LINGO2: variants seen among roughly 807,000 people sequenced by gnomAD.
LINGO2 encodes leucine rich repeat and Ig domain containing 2.
A neutral mutation model predicts 30.6 loss-of-function variants in LINGO2; 14 were observed. That is an observed-to-expected ratio of 0.46 (90% CI 0.30 to 0.72). The LOEUF is 0.72. Among genes scored for constraint, LINGO2 ranks in the 30% least tolerant of loss-of-function variants. LINGO2 has a pLI of 0.07. For missense variants in LINGO2, 729 were observed against 751.7 expected (o/e 0.97, Z 0.35); for synonymous variants, 317 against 288.5 (o/e 1.10, Z -1.00).
chr9:28,032,025 G>A (rs1823700779), intron 4 of LINGO2, among the ~76,000 whole-genome samples: 1 of 135,668 alleles, frequency 7.4e-6, no homozygotes, highest in African/African-American at 2.8e-5. Context: ...GCAGTCTGCT[G>A]ACTCAAAATG....
At chr9:28,349,454 G>A (rs1178712323) in intron 3 of LINGO2, among the ~76,000 whole-genome samples, 1 of 108,318 alleles carries the variant, frequency 9.2e-6, no homozygotes, top group Non-Finnish European at 1.9e-5. Context: ...AGAGAAAAAA[G>A]AATAAAAAGA....
At chr9:28,994,421 A>T in the LINGO2 span, among the ~76,000 whole-genome samples, 2 of 152,062 alleles carry the variant, frequency 1.3e-5, no homozygotes, top group East Asian at 3.9e-4. Flanking sequence ...AAGAATCAAT[A>T]TCGTGAAAAT....
At chr9:28,237,532 G>T (rs1933466460) in intron 4 of LINGO2, among the ~76,000 whole-genome samples, 1 of 151,924 alleles carries the variant, frequency 6.6e-6, no homozygotes. Context: ...AAAAAACAAG[G>T]CCCAGTGATC....
the LINGO2 span, among the ~76,000 whole-genome samples, chr9:29,002,058 T>C: frequency 1.3e-5 from 2 of 152,150 alleles, no homozygotes; most frequent in East Asian, 3.9e-4. Flanking sequence ...TTTCACCTTT[T>C]TTGGCTGCTT....
At chr9:28,226,751 G>C (rs534039279) in intron 4 of LINGO2, among the ~76,000 whole-genome samples, 1 of 152,194 alleles carries the variant, frequency 6.6e-6, no homozygotes, top group African/African-American at 2.4e-5. Context: ...ATGATCCAGT[G>C]CATCCCTTGG....
At chr9:28,165,643 A>T in intron 4 of LINGO2, among the ~76,000 whole-genome samples, 1 of 152,170 alleles carries the variant, frequency 6.6e-6, no homozygotes, top group East Asian at 1.9e-4. Flanking sequence ...TTTTCGTCAT[A>T]ATTGTTTTCC....
intron 3 of LINGO2, among the ~76,000 whole-genome samples, chr9:28,314,332 G>T (rs1417108728): frequency 6.6e-6 from 1 of 152,162 alleles, no homozygotes; most frequent in Non-Finnish European, 1.5e-5. Context: ...TAAACAAAAA[G>T]TTGATCAATA....
At chr9:28,545,728 C>G (rs1308334337) in intron 1 of LINGO2, among the ~76,000 whole-genome samples, 1 of 151,926 alleles carries the variant, frequency 6.6e-6, no homozygotes. Context: ...GAAGAAAGGA[C>G]CCACTTAGAA....
chr9:28,418,044 C>T (rs903790116), intron 2 of LINGO2, among the ~76,000 whole-genome samples: 1 of 152,044 alleles, frequency 6.6e-6, no homozygotes, highest in African/African-American at 2.4e-5. Flanking sequence ...TTAAGGAAGT[C>T]TAAGAGAGGT....
At chr9:28,908,684 C>T in the LINGO2 span, among the ~76,000 whole-genome samples, 849 of 151,958 alleles carry the variant, frequency 5.6e-3, 12 homozygotes, top group African/African-American at 0.019. Context: ...TTAATATTCA[C>T]AATCTATTTT....
At chr9:28,590,058 G>A (rs1448684819) in intron 1 of LINGO2, among the ~76,000 whole-genome samples, 1 of 152,094 alleles carries the variant, frequency 6.6e-6, no homozygotes, top group African/African-American at 2.4e-5. Context: ...ATGGGGAAAG[G>A]AATCCCTATT....
the LINGO2 span, among the ~76,000 whole-genome samples, chr9:29,042,558 G>T: frequency 6.6e-6 from 1 of 151,952 alleles, no homozygotes; most frequent in East Asian, 1.9e-4. Flanking sequence ...CATTAAAAAT[G>T]TATTTTCCTT....
At chr9:28,381,210 C>CA (rs948914991) in intron 2 of LINGO2, among the ~76,000 whole-genome samples, 5 of 151,550 alleles carry the variant, frequency 3.3e-5, no homozygotes, top group Admixed American at 2.0e-4. Context: ...GCAAAAAAAA[C>CA]AAAAAAACAA....
intron 4 of LINGO2, among the ~76,000 whole-genome samples, chr9:28,242,543 A>T (rs1377551682): frequency 6.6e-6 from 1 of 152,156 alleles, no homozygotes; most frequent in Non-Finnish European, 1.5e-5. Flanking sequence ...AAGTTGAAAA[A>T]CACACTTCAG....
chr9:28,232,508 C>T (rs905823041), intron 4 of LINGO2, among the ~76,000 whole-genome samples: 1 of 148,826 alleles, frequency 6.7e-6, no homozygotes, highest in East Asian at 2.0e-4. Flanking sequence ...GATATATTTA[C>T]TGTATACAAT....
At chr9:28,805,348 C>T in the LINGO2 span, among the ~76,000 whole-genome samples, 2 of 152,162 alleles carry the variant, frequency 1.3e-5, no homozygotes, top group African/African-American at 2.4e-5. Context: ...CACTAAGTGG[C>T]TCTGTGGCAT....
At chr9:28,938,234 A>G in the LINGO2 span, among the ~76,000 whole-genome samples, 1 of 152,196 alleles carries the variant, frequency 6.6e-6, no homozygotes, top group Non-Finnish European at 1.5e-5. Context: ...CTCTGCAAAG[A>G]TGGCTAACTA....
chr9:28,452,468 C>T (rs777298072), intron 2 of LINGO2, among the ~76,000 whole-genome samples: 9 of 151,742 alleles, frequency 5.9e-5, no homozygotes, highest in Non-Finnish European at 7.4e-5. Context: ...ACTGAAAAGG[C>T]TCTGACTATT....
intron 1 of LINGO2, among the ~76,000 whole-genome samples, chr9:28,659,439 C>CT (rs1265871778): frequency 3.3e-5 from 5 of 151,538 alleles, no homozygotes; most frequent in African/African-American, 4.8e-5. Context: ...GACTTATATA[C>CT]TTTTTTTTCC....
Sources: allele counts gnomAD v4.1 joint callset (sites outside exome capture counted in the v4.1 genomes callset), GRCh38; gene constraint gnomAD v4.1.1; transcripts MANE v1.5; gene names NCBI Gene and HGNC (gene_info 2026-07-23, HGNC 2026-07-21).